The following BPIFB1 variants were observed in gnomAD, a reference collection of about 807,000 sequenced individuals.
BPIFB1 encodes the protein BPI fold-containing family B member 1.
Under a neutral mutation model 55.1 loss-of-function variants are expected in BPIFB1, and 34 were observed. The observed-to-expected ratio is 0.62, with a 90% CI of 0.47 to 0.82. BPIFB1 has a LOEUF of 0.82. BPIFB1 is among the 40% of genes least tolerant of loss of function. BPIFB1 has a pLI of 0.00. For missense variants in BPIFB1, 532 were observed against 593.1 expected (o/e 0.90, Z 1.07); for synonymous variants, 236 against 245.3 (o/e 0.96, Z 0.35).
chr20:33,290,058 C>A, intron 4 of BPIFB1, 66 bp downstream of exon 4: 2 of 1,247,890 alleles, frequency 1.6e-6, no homozygotes, highest in South Asian at 1.2e-5. Context: ...CCCTCCCCCG[C>A]CCCCACCATG....
intron 15 of BPIFB1, among the ~76,000 whole-genome samples, chr20:33,308,753 A>G (rs1170000204): frequency 6.7e-6 from 1 of 148,160 alleles, no homozygotes; most frequent in African/African-American, 2.5e-5. Flanking sequence ...TATTGCACAC[A>G]TACACACCAC....
chr20:33,291,171 T>A (rs1396414643), intron 5 of BPIFB1, 65 bp downstream of exon 5: 1 of 1,575,036 alleles, frequency 6.3e-7, no homozygotes, highest in Non-Finnish European at 8.6e-7. Flanking sequence ...GCAGTGGACT[T>A]CCCCCATTTT....
At chr20:33,284,885 T>TTC (rs757452927) in intron 1 of BPIFB1, among the ~76,000 whole-genome samples, 51 of 147,590 alleles carry the variant, frequency 3.5e-4, no homozygotes, top group Middle Eastern at 3.5e-3. Context: ...CTCTCTCTCT[T>TTC]TCTCTCTCTC....
intron 12 of BPIFB1, 33 bp downstream of exon 12, chr20:33,304,058 G>A (rs763491215): frequency 1.4e-4 from 222 of 1,587,104 alleles, no homozygotes; most frequent in Non-Finnish European, 1.8e-4. Context: ...AGATTCTGCT[G>A]ATGGAAATGA....
chr20:33,305,671 C>T (rs1981000620), intron 13 of BPIFB1, among the ~76,000 whole-genome samples: 2 of 152,114 alleles, frequency 1.3e-5, no homozygotes, highest in Non-Finnish European at 2.9e-5. Flanking sequence ...TTCTGGCTTC[C>T]CTCCAGAAGT....
chr20:33,303,061 T>C lies in BPIFB1; in HGVS notation c.1127T>C (p.Phe376Ser). 1 of 1,613,808 alleles carries C rather than the reference T, an allele frequency of 6.2e-7. No individual in the cohort carries two copies. Among genetic ancestry groups the C allele is most frequent in the Non-Finnish European group, 8.5e-7 (1 of 1,180,018 alleles). Residue 376 changes from phenylalanine to serine, a missense_variant, in exon 11 of 16, where the codon TTC (phenylalanine) becomes TCC (serine). By Grantham distance (155) the Phe-to-Ser change is radical. Transcript: ENST00000253354. ...TCCAGTGAAGCCCTCCGCCCTTTGT[T>C]CACCCTGGGCATCGTGAGTTCAGTT... ...FPSSEALRPLFTLGIEASSEA... is the reference protein window; with the variant it reads ...FPSSEALRPLSTLGIEASSEA...
At chr20:33,285,809 CACTT>C (rs1980248610) in intron 1 of BPIFB1, among the ~76,000 whole-genome samples, 2 of 152,168 alleles carry the variant, frequency 1.3e-5, no homozygotes, top group South Asian at 4.1e-4. Context: ...GATATTAACT[CACTT>C]AATCCCTCAA....
chr20:33,304,741 A>G, intron 12 of BPIFB1, 105 bp from the exon 13 acceptor site: 2 of 1,420,150 alleles, frequency 1.4e-6, no homozygotes, highest in Non-Finnish European at 2.0e-6. Flanking sequence ...TGGAGCCCGC[A>G]CTGTGCCTGG....
At chr20:33,302,569 G>A in intron 10 of BPIFB1, 157 bp downstream of exon 10, 1 of 803,882 alleles carries the variant, frequency 1.2e-6, no homozygotes, top group Non-Finnish European at 2.1e-6. Flanking sequence ...TAGCAGGCCA[G>A]TTTGACCTGA....
At chr20:33,306,737 AGGGTAGACGAGGCT>A in intron 14 of BPIFB1, 160 bp from the exon 15 acceptor site, 1 of 620,840 alleles carries the variant, frequency 1.6e-6, no homozygotes, top group Non-Finnish European at 2.9e-6. Flanking sequence ...AGGCAAAGGG[AGGGTAGACGAGGCT>A]GGGTCAATGC....
chr20:33,298,991 TGG>T, intron 7 of BPIFB1: 2 of 299,544 alleles, frequency 6.7e-6, no homozygotes, highest in East Asian at 9.1e-5. Flanking sequence ...TTTTTTTTTT[TGG>T]AGACGGACCT....
intron 13 of BPIFB1, 135 bp from the exon 14 acceptor site, chr20:33,305,867 A>T: frequency 1.0e-6 from 1 of 987,498 alleles, no homozygotes; most frequent in Non-Finnish European, 1.6e-6. Context: ...CACAGCTCTG[A>T]TCAGCAGGGG....
In BPIFB1 at chr20:33,297,518, G is replaced by A. The variant is rs759487599; in HGVS notation, c.598-7G>A. On this transcript the variant is annotated splice_region_variant and splice_polypyrimidine_tract_variant and intron_variant, in intron 6 of 15. Transcript: ENST00000253354. ...CCTGATGGAGCCCCTTGCTTATGCT[G>A]TTGCAGCTGTGTCCCGTGATCGAGG... 3.1e-6 allele frequency: 5 copies of A among 1,614,082 alleles called. No individual in the cohort carries two copies. The African/African-American group carries it at 6.7e-5, about 22-fold the overall frequency.
intron 8 of BPIFB1, among the ~76,000 whole-genome samples, chr20:33,300,829 C>T (rs543441834): frequency 6.6e-6 from 1 of 152,322 alleles, no homozygotes; most frequent in Middle Eastern, 3.4e-3. Context: ...CTCAAATGAT[C>T]CTCCCACTTC....
At chr20:33,302,212 T>C in intron 9 of BPIFB1, 147 bp from the exon 10 acceptor site, 1 of 779,758 alleles carries the variant, frequency 1.3e-6, no homozygotes, top group East Asian at 2.5e-5. Flanking sequence ...GGGCTGTTTT[T>C]CCACCAATGA....
chr20:33,308,171 A>G (rs556155088), intron 15 of BPIFB1, among the ~76,000 whole-genome samples: 3 of 152,202 alleles, frequency 2.0e-5, no homozygotes, highest in East Asian at 3.9e-4. Context: ...ACAAGAGCAC[A>G]CTCACCATCA....
At chr20:33,304,121 G>C in intron 12 of BPIFB1, 96 bp downstream of exon 12, 2 of 1,132,524 alleles carry the variant, frequency 1.8e-6, no homozygotes. Flanking sequence ...TGGCTGTCAG[G>C]TGAAGGCGGC....
Position 33,291,955 on chromosome 20 carries a change from AG to A in BPIFB1, c.565del (p.Val189CysfsTer7). The A allele has an allele frequency of 6.2e-7, 1 of 1,614,230 alleles. No individual in the cohort carries two copies. Among genetic ancestry groups the A allele is most frequent in the Non-Finnish European group, 8.5e-7 (1 of 1,180,020 alleles). ...TAGCTAAGCAGGTCATGAACCTCCT[AG>A]TGCCATCCCTGCCCAATCTAGTGAA... is the stretch of plus-strand genomic sequence containing the variant. ...ALAKQVMNLL[V>X]PSLPNLVKNQ... On this transcript the variant is annotated frameshift_variant, in exon 6 of 16. Transcript: ENST00000253354. LOFTEE classifies it high-confidence loss of function.
chr20:33,289,234 A>G (rs1299726129), intron 3 of BPIFB1, among the ~76,000 whole-genome samples: 1 of 152,132 alleles, frequency 6.6e-6, no homozygotes, highest in Non-Finnish European at 1.5e-5. Flanking sequence ...TATAAAAATT[A>G]GCCAGGCATG....
Sources: allele counts gnomAD v4.1 joint callset (sites outside exome capture counted in the v4.1 genomes callset), GRCh38; gene constraint gnomAD v4.1.1; transcripts MANE v1.5; gene names NCBI Gene and HGNC (gene_info 2026-07-23, HGNC 2026-07-21).